LGSN: variants seen among roughly 807,000 people sequenced by gnomAD.
LGSN encodes lengsin, lens protein with glutamine synthetase domain.
In LGSN, 21 loss-of-function variants were observed where a neutral mutation model predicts 19.5. The ratio of observed to expected loss-of-function variants is 1.07; its 90% confidence interval spans 0.76 to 1.55. The LOEUF (loss-of-function observed/expected upper bound fraction) is 1.55, where lower values mean the gene tolerates loss of function less well. Among genes scored for constraint, LGSN ranks in the 40% most tolerant of loss-of-function variants. The probability of loss-of-function intolerance (pLI) is 0.00; values close to 1 mark genes in which losing one functional copy is unlikely to be tolerated. For missense variants in LGSN, 673 were observed against 608.5 expected (o/e 1.11, Z -1.12); for synonymous variants, 257 against 215.6 (o/e 1.19, Z -1.68).
the LGSN span, among the ~76,000 whole-genome samples, chr6:63,412,398 GGAAA>G: frequency 3.8e-4 from 34 of 90,408 alleles, no homozygotes; most frequent in Admixed American, 1.8e-3. Context: ...GATGAAAGAA[GGAAA>G]GAAAGAAAGA....
chr6:63,534,059 T>C, the LGSN span, among the ~76,000 whole-genome samples: 1 of 151,992 alleles, frequency 6.6e-6, no homozygotes, highest in African/African-American at 2.4e-5. Context: ...GGCAGGCTAG[T>C]CTAGAAATTC....
At chr6:63,396,072 T>A in the LGSN span, 1 of 154,036 alleles carries the variant, frequency 6.5e-6, no homozygotes, top group Non-Finnish European at 1.4e-5. Context: ...TGAGGCATTT[T>A]GCAGAGACGG....
chr6:63,423,531 G>A, the LGSN span, among the ~76,000 whole-genome samples: 2 of 151,776 alleles, frequency 1.3e-5, no homozygotes. Flanking sequence ...GGCTGAGGTG[G>A]GAGGATCACC....
At chr6:63,310,685 C>T (rs991900950) in intron 1 of LGSN, among the ~76,000 whole-genome samples, 4 of 152,038 alleles carry the variant, frequency 2.6e-5, no homozygotes, top group Non-Finnish European at 5.9e-5. Flanking sequence ...CATATGAATG[C>T]GGTCTTTTTT....
At chr6:63,384,489 T>TTTTG in the LGSN span, among the ~76,000 whole-genome samples, 1 of 131,504 alleles carries the variant, frequency 7.6e-6, no homozygotes, top group African/African-American at 2.9e-5. Flanking sequence ...AAATAACACC[T>TTTTG]TGTGTGTGTG....
chr6:63,458,658 A>T, the LGSN span, among the ~76,000 whole-genome samples: 1 of 152,318 alleles, frequency 6.6e-6, no homozygotes, highest in East Asian at 1.9e-4. Context: ...ACATTAAAAG[A>T]TTAGACTGGG....
At chr6:63,409,542 C>G in the LGSN span, among the ~76,000 whole-genome samples, 1 of 152,238 alleles carries the variant, frequency 6.6e-6, no homozygotes, top group African/African-American at 2.4e-5. Flanking sequence ...GATTTGGGGT[C>G]AGATGACCTT....
At chr6:63,462,936 A>C in the LGSN span, among the ~76,000 whole-genome samples, 21 of 152,218 alleles carry the variant, frequency 1.4e-4, no homozygotes, top group Non-Finnish European at 2.6e-4. Flanking sequence ...TGACCAAACT[A>C]TTGATTTCAT....
chr6:63,413,235 A>C, the LGSN span, among the ~76,000 whole-genome samples: 1 of 152,134 alleles, frequency 6.6e-6, no homozygotes, highest in African/African-American at 2.4e-5. Flanking sequence ...TTGACATGTA[A>C]TTTTAGAGAC....
At chr6:63,538,663 A>C in the LGSN span, among the ~76,000 whole-genome samples, 949 of 152,332 alleles carry the variant, frequency 6.2e-3, 9 homozygotes, top group South Asian at 0.033. Flanking sequence ...ATTTTTTAAG[A>C]TAGCATGAAA....
At chr6:63,531,961 T>G in the LGSN span, among the ~76,000 whole-genome samples, 4 of 151,884 alleles carry the variant, frequency 2.6e-5, no homozygotes, top group Admixed American at 2.6e-4. Flanking sequence ...CCACCATGGC[T>G]GGTTAATTTT....
chr6:63,484,849 G>A, the LGSN span, among the ~76,000 whole-genome samples: 1 of 152,164 alleles, frequency 6.6e-6, no homozygotes, highest in African/African-American at 2.4e-5. Flanking sequence ...TAGTAAGGAA[G>A]CCCTAAATTT....
the LGSN span, among the ~76,000 whole-genome samples, chr6:63,369,512 C>T: frequency 1.3e-5 from 2 of 152,170 alleles, no homozygotes; most frequent in Non-Finnish European, 2.9e-5. Flanking sequence ...AGCACTGATG[C>T]CCAGTCTTCA....
the LGSN span, among the ~76,000 whole-genome samples, chr6:63,328,207 AT>A: frequency 6.6e-6 from 1 of 151,944 alleles, no homozygotes; most frequent in Non-Finnish European, 1.5e-5. Context: ...TTCATATCCC[AT>A]TTTCCACAAA....
chr6:63,370,257 C>A, the LGSN span, among the ~76,000 whole-genome samples: 10 of 152,290 alleles, frequency 6.6e-5, no homozygotes, highest in African/African-American at 2.2e-4. Flanking sequence ...GATGTGCTGG[C>A]ATGGTATCCC....
At chr6:63,566,172 C>T in the LGSN span, among the ~76,000 whole-genome samples, 1 of 152,148 alleles carries the variant, frequency 6.6e-6, no homozygotes, top group South Asian at 2.1e-4. Flanking sequence ...AACAGAGTAC[C>T]CCAAACCATT....
At chr6:63,487,114 T>C in the LGSN span, among the ~76,000 whole-genome samples, 8 of 151,638 alleles carry the variant, frequency 5.3e-5, no homozygotes, top group African/African-American at 7.3e-5. Context: ...GGATTACAGG[T>C]GTGAGCCACC....
At chr6:63,388,809 CTTG>C in the LGSN span, among the ~76,000 whole-genome samples, 1 of 152,186 alleles carries the variant, frequency 6.6e-6, no homozygotes, top group Non-Finnish European at 1.5e-5. Context: ...AGACAGAGAA[CTTG>C]TTGTCAGTCT....
the LGSN span, among the ~76,000 whole-genome samples, chr6:63,327,306 G>A: frequency 6.6e-6 from 1 of 152,204 alleles, no homozygotes; most frequent in Non-Finnish European, 1.5e-5. Context: ...AGGCCCCAAA[G>A]GTAAGTAACA....
Sources: gnomAD v4.1 joint callset for allele counts (sites outside exome capture counted in the v4.1 genomes callset) on GRCh38, gnomAD v4.1.1 for gene constraint, MANE v1.5 for transcripts, NCBI Gene and HGNC (gene_info 2026-07-23, HGNC 2026-07-21) for gene names.